SPG7: variants seen among roughly 807,000 people sequenced by gnomAD.
The protein encoded by SPG7 is SPG7 matrix AAA peptidase subunit, paraplegin, also known as mitochondrial inner membrane m-AAA protease component paraplegin.
In SPG7, 103 loss-of-function variants were observed where a neutral mutation model predicts 81.9. The ratio of observed to expected loss-of-function variants is 1.26; its 90% CI spans 1.07 to 1.48. The LOEUF is 1.48. Ranked by LOEUF, SPG7 falls within the 40% of genes most tolerant of loss-of-function variation. The pLI is 0.00. For synonymous variants in SPG7, 534 were observed against 444.2 expected, an observed-to-expected ratio of 1.20 and a Z score of -2.54; for missense variants, 1,241 against 1,087.3, an observed-to-expected ratio of 1.14 and a Z score of -1.99.
At chr16:89,550,716 C>T (rs2058626395) in intron 13 of SPG7, 107 bp downstream of exon 13, 1 of 740,902 alleles carries the variant, frequency 1.3e-6, no homozygotes, top group East Asian at 2.7e-5. Context: ...CTGTAGCTGA[C>T]TGGGGAGTCC....
In SPG7 at chr16:89,530,755, G is replaced by C; in HGVS notation, c.934G>C (p.Ala312Pro). 6.2e-7 allele frequency: 1 copy of C among 1,614,196 alleles called. No individual in the cohort carries two copies. Among genetic ancestry groups the C allele is most frequent in the Non-Finnish European group, 8.5e-7 (1 of 1,180,040 alleles). Residue 312 changes from alanine (A) to proline (P), a missense_variant, in exon 7 of 17, where the codon GCA (alanine) becomes CCA (proline). Coordinates refer to ENST00000645818, the MANE Select transcript of SPG7 (RefSeq NM_003119.4). ...MGKGVSFKDV[A>P]GMHEAKLEVR... ...GAAAGGAGTCAGCTTCAAAGACGTG[G>C]CAGGAATGCACGAAGCCAAACTGGA...
chr16:89,542,449 C>T (rs2058507630), intron 9 of SPG7, among the ~76,000 whole-genome samples: 1 of 152,216 alleles, frequency 6.6e-6, no homozygotes, highest in South Asian at 2.1e-4. Flanking sequence ...TTTTAAGACA[C>T]TGTCTTTGCC....
At chr16:89,525,110 C>A (rs1026426376) in intron 4 of SPG7, among the ~76,000 whole-genome samples, 2 of 151,920 alleles carry the variant, frequency 1.3e-5, no homozygotes, top group African/African-American at 4.8e-5. Context: ...CAGGCGCGCA[C>A]CACCACACTT....
intron 3 of SPG7, among the ~76,000 whole-genome samples, chr16:89,515,952 G>A (rs2058090822): frequency 6.6e-6 from 1 of 151,476 alleles, no homozygotes; most frequent in South Asian, 2.1e-4. Flanking sequence ...CAGGCGATCT[G>A]CCCATCTTGG....
intron 8 of SPG7, 117 bp downstream of exon 8, chr16:89,532,183 G>A (rs1484553578): frequency 2.9e-5 from 34 of 1,166,218 alleles, no homozygotes; most frequent in Non-Finnish European, 4.1e-5. Flanking sequence ...GAGTAGAGAA[G>A]GAAAGCGAGG....
chr16:89,536,591 G>A (rs2058425406), intron 9 of SPG7, among the ~76,000 whole-genome samples: 1 of 144,648 alleles, frequency 6.9e-6, no homozygotes, highest in Admixed American at 6.8e-5. Context: ...CGGGTGAGGT[G>A]AGGCAGGTGA....
chr16:89,532,009 G>C lies in SPG7; in HGVS notation c.1093G>C (p.Glu365Gln). The C allele has an allele frequency of 6.2e-7, 1 of 1,613,860 alleles. No homozygotes were observed. Among genetic ancestry groups the C allele is most frequent in the Non-Finnish European group, 8.5e-7 (1 of 1,179,998 alleles). ...GCTGCTGGCCAAGGCGGTGGCCACG[G>C]AGGCTCAGGTGCCCTTCCTGGCGAT... ...KTLLAKAVAT[E>Q]AQVPFLAMAG... is the part of the protein sequence containing the mutation. Residue 365 changes from glutamate (E) to glutamine (Q), a missense_variant, in exon 8 of 17, where the codon GAG becomes CAG. Coordinates refer to ENST00000645818, the MANE Select transcript of SPG7 (RefSeq NM_003119.4).
intron 3 of SPG7, chr16:89,519,111 G>A (rs1447216425): frequency 6.6e-6 from 1 of 151,794 alleles, no homozygotes; most frequent in Non-Finnish European, 1.5e-5. Flanking sequence ...AGCCTCCTGA[G>A]TAGCTGGGAT....
chr16:89,556,730 TCGGAGCTGCCTC>T (rs2058690525), intron 16 of SPG7, 145 bp from the exon 17 acceptor site: 1 of 700,620 alleles, frequency 1.4e-6, no homozygotes, highest in African/African-American at 1.8e-5. Context: ...GATTCTTCTT[TCGGAGCTGCCTC>T]CGTGCCTCCG....
intron 5 of SPG7, among the ~76,000 whole-genome samples, chr16:89,527,622 T>C (rs961739889): frequency 1.3e-5 from 2 of 152,120 alleles, no homozygotes; most frequent in African/African-American, 4.8e-5. Context: ...AAATTCTCAT[T>C]TCAGTGTTGA....
chr16:89,516,014 T>C (rs563786656), intron 3 of SPG7, among the ~76,000 whole-genome samples: 1 of 150,302 alleles, frequency 6.7e-6, no homozygotes, highest in Admixed American at 6.6e-5. Context: ...CAGCCTGGAG[T>C]TTCACTCTTG....
intron 9 of SPG7, among the ~76,000 whole-genome samples, chr16:89,542,675 A>T (rs888132267): frequency 6.6e-6 from 1 of 152,176 alleles, no homozygotes; most frequent in Admixed American, 6.5e-5. Flanking sequence ...GGCTCAGGAC[A>T]GTGGCCCTGG....
At chr16:89,516,862 C>G (rs1362503202) in intron 3 of SPG7, 2 of 145,702 alleles carry the variant, frequency 1.4e-5, no homozygotes, top group African/African-American at 5.0e-5. Flanking sequence ...AAGACTCTGT[C>G]TCAAAAAAAA....
intron 10 of SPG7, chr16:89,544,999 A>C: frequency 1.7e-6 from 1 of 596,964 alleles, no homozygotes; most frequent in Non-Finnish European, 3.1e-6. Context: ...GCCCCCTGGC[A>C]GACCTGCCCA....
intron 3 of SPG7, chr16:89,523,400 G>C: frequency 6.2e-6 from 2 of 323,556 alleles, no homozygotes; most frequent in South Asian, 2.5e-5. Flanking sequence ...GATTGGGAAG[G>C]TATTATTTCT....
chr16:89,539,300 G>A (rs2058467544), intron 9 of SPG7: 1 of 152,234 alleles, frequency 6.6e-6, no homozygotes, highest in East Asian at 1.9e-4. Flanking sequence ...AGGAGTTCAA[G>A]ACCAGCCTGG....
intron 13 of SPG7, chr16:89,552,474 G>A (rs921668438): frequency 3.4e-5 from 6 of 177,638 alleles, no homozygotes; most frequent in Middle Eastern, 2.8e-3. Flanking sequence ...CCCCGTCTCC[G>A]TCCGTCTCCC....
At position 89,557,718 on chromosome 16, in the gene SPG7, G is replaced by C. The variant is rs1355863171; in HGVS notation, c.*625G>C. ...GGGATGCCTTGGTTTTTACTGCTCT[G>C]AGAATTGTTGAGATACTTTACTAAT... On this transcript the variant is annotated 3_prime_UTR_variant, in exon 17 of 17. Coordinates refer to ENST00000645818, the MANE Select transcript of SPG7 (RefSeq NM_003119.4). 3 of 155,490 alleles carry C rather than the reference G, an allele frequency of 1.9e-5. No homozygotes were observed. The highest frequency in any genetic ancestry group is 4.3e-5 in the Non-Finnish European group (3 of 69,938). 9.6% of individuals were successfully genotyped at this position (155,490 alleles called of 1,614,324 possible).
Position 89,532,529 on chromosome 16 carries a change from A to G in SPG7, c.1217A>G (p.Tyr406Cys), listed in dbSNP as rs1319276066. 16 of 1,613,588 alleles carry G rather than the reference A, an allele frequency of 9.9e-6. No homozygotes were observed. Among genetic ancestry groups the G allele is most frequent in the East Asian group, 2.2e-5 (1 of 44,882 alleles). ...EARARAPCIV[Y>C]IDEIDAVGKK... ...CGAGCCCGGGCCCCCTGCATCGTCTACATCGATGAGATCGACGCGGTGGGC... is the reference window on the plus strand; with the variant it reads ...CGAGCCCGGGCCCCCTGCATCGTCTGCATCGATGAGATCGACGCGGTGGGC... The change falls in exon 9 of 17, where the codon TAC becomes TGC. Residue 406 changes from tyrosine (Y) to cysteine (C), a missense_variant. Physicochemically the swap from Tyr to Cys is radical, Grantham distance 194. Coordinates refer to ENST00000645818, the MANE Select transcript of SPG7 (RefSeq NM_003119.4).
Sources: allele counts gnomAD v4.1 joint callset (sites outside exome capture counted in the v4.1 genomes callset), GRCh38; gene constraint gnomAD v4.1.1; transcripts MANE v1.5; gene names NCBI Gene and HGNC (gene_info 2026-07-23, HGNC 2026-07-21).